Variants in ST3GAL4 observed in about 807,000 individuals in gnomAD.
ST3GAL4 encodes the protein ST3 beta-galactoside alpha-2,3-sialyltransferase 4.
In ST3GAL4, 24 loss-of-function variants were observed where a neutral mutation model predicts 42.6. The observed-to-expected ratio is 0.56, with a 90% CI of 0.41 to 0.79. ST3GAL4 has a LOEUF of 0.79. Ranked by LOEUF, ST3GAL4 falls within the 30% of genes least tolerant of loss-of-function variation. The pLI, the probability that ST3GAL4 is intolerant of heterozygous loss-of-function variation, is 0.00. For synonymous variants in ST3GAL4, 135 were observed against 163.2 expected (o/e 0.83, Z 1.32); for missense variants, 311 against 430.8 (o/e 0.72, Z 2.46).
chr11:126,406,418 G>T lies in ST3GAL4; in HGVS notation c.17-55G>T, dbSNP rs372066765. The T allele has an allele frequency of 6.2e-7, 1 of 1,613,066 alleles. No individual in the cohort carries two copies. Among genetic ancestry groups the T allele is most frequent in the Non-Finnish European group, 8.5e-7 (1 of 1,179,692 alleles). On this transcript the variant is annotated intron_variant, in intron 2 of 10. Transcript: ENST00000444328. The surrounding 1 kb of genome is among the most constrained non-coding windows in gnomAD (Gnocchi z 5.4). ...GAAGGGGGCAGGTGGGAAGGTGGAC[G>T]GGGGTTGTACCTGCCTGTTGCTGCC...
intron 1 of ST3GAL4, among the ~76,000 whole-genome samples, chr11:126,380,384 T>G (rs1386241822): frequency 6.6e-6 from 1 of 152,124 alleles, no homozygotes; most frequent in Non-Finnish European, 1.5e-5. Flanking sequence ...CATCAAGACC[T>G]TGCAGTATTG....
rs190440513 is a variant in ST3GAL4, at chr11:126,398,246, A to T, written c.-60-7850A>T. Among the ~76,000 whole-genome samples, 19 of 152,366 alleles carry T rather than the reference A, an allele frequency of 1.2e-4. No homozygotes were observed. The highest frequency in any genetic ancestry group is 1.1e-3 in the Admixed American group (17 of 15,308). ...TACAGTGATGGGACAGGCATAGGAC[A>T]GATATTCCATTCCAAAAGGGAGAGA... is the stretch of plus-strand genomic sequence containing the variant. On this transcript the variant is annotated intron_variant, in intron 1 of 10. Transcript: ENST00000444328. This position sits in a 1 kb window ranked among gnomAD's most constrained non-coding sequence, Gnocchi z 4.7.
chr11:126,371,163 CTTT>C (rs551443393), intron 1 of ST3GAL4, among the ~76,000 whole-genome samples: 2 of 59,972 alleles, frequency 3.3e-5, no homozygotes, highest in South Asian at 8.7e-4. Flanking sequence ...CCCCACATTC[CTTT>C]TTTTTTTTTT....
At chr11:126,358,663 A>G (rs1952154499) in intron 1 of ST3GAL4, 1 of 284,810 alleles carries the variant, frequency 3.5e-6, no homozygotes, top group Non-Finnish European at 7.2e-6. Flanking sequence ...GAATTCCCCC[A>G]AAGGTTGCTT....
intron 1 of ST3GAL4, chr11:126,375,122 A>T (rs1255383118): frequency 6.6e-6 from 1 of 152,214 alleles, no homozygotes; most frequent in Non-Finnish European, 1.5e-5. Flanking sequence ...TACAGCGGAG[A>T]GAGTCAGTCC....
intron 9 of ST3GAL4, 89 bp from the exon 10 acceptor site, chr11:126,413,416 C>T: frequency 6.6e-7 from 1 of 1,519,198 alleles, no homozygotes; most frequent in South Asian, 1.3e-5. Flanking sequence ...GTTTCCGTGA[C>T]TGCAGGAAGT....
chr11:126,399,301 C>CT (rs58479155), intron 1 of ST3GAL4, among the ~76,000 whole-genome samples: 3,429 of 87,602 alleles, frequency 0.039, 515 homozygotes, highest in African/African-American at 0.14. Flanking sequence ...TTCTTTCCTT[C>CT]TTTTTTTTTT....
chr11:126,412,101 G>T lies in ST3GAL4; in HGVS notation c.772-1404G>T, dbSNP rs888710509. Among the ~76,000 whole-genome samples, 11 of 152,074 alleles carry T rather than the reference G, an allele frequency of 7.2e-5. 1 individual carries two copies. The highest frequency in any genetic ancestry group is 7.2e-4 in the Admixed American group (11 of 15,266). The stretch of plus-strand genomic sequence containing the variant: ...GTTTCTAGCTTGGACAGCCGGTAGG[G>T]GGCGGGGGGTGGTAACATATTTAAC... On this transcript the variant is annotated intron_variant, in intron 9 of 10. Coordinates refer to ENST00000444328, the MANE Select transcript of ST3GAL4 (RefSeq NM_001254757.2).
chr11:126,403,332 C>A, intron 1 of ST3GAL4: 6 of 910,154 alleles, frequency 6.6e-6, no homozygotes, highest in Non-Finnish European at 7.9e-6. Flanking sequence ...GACTGGTTAG[C>A]GCTGCTCACC....
In ST3GAL4 at chr11:126,414,107, G is replaced by C. The variant is rs575272617; in HGVS notation, c.*60G>C. Reference sequence around the variant, plus strand: ...TCTGCTGTCTGGGTGACCCCCATGCGTGGCTGTGGGGGTGGCTGGTGCCAG... The same window carrying C: ...TCTGCTGTCTGGGTGACCCCCATGCCTGGCTGTGGGGGTGGCTGGTGCCAG... On this transcript the variant is annotated 3_prime_UTR_variant, in exon 11 of 11. Coordinates refer to ENST00000444328, the MANE Select transcript of ST3GAL4 (RefSeq NM_001254757.2). The C allele has an allele frequency of 1.3e-6, 2 of 1,533,858 alleles. No homozygotes were observed. The highest frequency in any genetic ancestry group is 2.7e-5 in the African/African-American group (2 of 73,274).
chr11:126,403,386 G>T, intron 1 of ST3GAL4: 2 of 984,878 alleles, frequency 2.0e-6, no homozygotes, highest in Non-Finnish European at 2.4e-6. Flanking sequence ...TTCCCTGGAA[G>T]GCAGCCCTGG....
Position 126,392,311 on chromosome 11 carries a change from C to G in ST3GAL4, c.-60-13785C>G. ...CTCTCCTGGGACTGCACAGAGTTTA[C>G]TGTCGGACATCAGTTCTGATATGGT... On this transcript the variant is annotated intron_variant, in intron 1 of 10. Transcript: ENST00000444328. This position sits in a 1 kb window ranked among gnomAD's most constrained non-coding sequence, Gnocchi z 5.8. 1.0e-6 allele frequency: 1 copy of G among 985,902 alleles called. No individual in the cohort carries two copies. The highest frequency in any genetic ancestry group is 1.2e-6 in the Non-Finnish European group (1 of 829,940). The allele number at this position is 985,902 out of a possible 1,614,324, so 61.1% of individuals were successfully genotyped here.
chr11:126,370,556 T>G (rs1261307504), intron 1 of ST3GAL4, among the ~76,000 whole-genome samples: 1 of 152,192 alleles, frequency 6.6e-6, no homozygotes, highest in Non-Finnish European at 1.5e-5. Context: ...CACTTCTTAG[T>G]TTTTTACTCT....
intron 1 of ST3GAL4, among the ~76,000 whole-genome samples, chr11:126,372,353 T>C (rs533050152): frequency 3.3e-5 from 5 of 152,342 alleles, no homozygotes; most frequent in African/African-American, 7.2e-5. Flanking sequence ...CTTTGCATAG[T>C]GTCTTCAAGG....
intron 1 of ST3GAL4, among the ~76,000 whole-genome samples, chr11:126,368,520 G>C (rs1952520305): frequency 6.6e-6 from 1 of 152,232 alleles, no homozygotes; most frequent in South Asian, 2.1e-4. Flanking sequence ...TGTGGAACAA[G>C]TAGGGAAGGA....
In ST3GAL4 at chr11:126,409,752, CAG is replaced by C. The variant is rs1405775830; in HGVS notation, c.771+344_771+345del. On this transcript the variant is annotated intron_variant, in intron 9 of 10. Coordinates refer to ENST00000444328, the MANE Select transcript of ST3GAL4 (RefSeq NM_001254757.2). This position sits in a 1 kb window ranked among gnomAD's most constrained non-coding sequence, Gnocchi z 4.9. The stretch of plus-strand genomic sequence containing the variant: ...GATCTGTGGAACAACTTGAGCCATG[CAG>C]AGTTACTGTTAGATACTTCATCTGT... Among the ~76,000 whole-genome samples the C allele has an allele frequency of 1.3e-5, 2 of 152,158 alleles. No individual in the cohort carries two copies. Among genetic ancestry groups the C allele is most frequent in the African/African-American group, 2.4e-5 (1 of 41,428 alleles).
chr11:126,397,900 A>T lies in ST3GAL4; in HGVS notation c.-60-8196A>T, dbSNP rs1206113050. Among the ~76,000 whole-genome samples, 5 of 151,894 alleles carry T rather than the reference A, an allele frequency of 3.3e-5. No homozygotes were observed. The East Asian group carries it at 9.8e-4, about 30-fold the overall frequency. On this transcript the variant is annotated intron_variant, in intron 1 of 10. Coordinates refer to ENST00000444328, the MANE Select transcript of ST3GAL4 (RefSeq NM_001254757.2). This position sits in a 1 kb window ranked among gnomAD's most constrained non-coding sequence, Gnocchi z 5.0. ...ACCCATTCATGAGAACAGAGCCCTC[A>T]TGGCCTACTCTTATGAGACCCCACC...
rs1239959299 is a variant in ST3GAL4, at chr11:126,386,170, C to T, written c.-60-19926C>T. ...CTCCTCAGAGACATGGTTCTATCCC[C>T]CCAGTGGCCAAGGGCTGGTGGCCCT... On this transcript the variant is annotated intron_variant, in intron 1 of 10. Coordinates refer to ENST00000444328, the MANE Select transcript of ST3GAL4 (RefSeq NM_001254757.2). The surrounding 1 kb of genome is among the most constrained non-coding windows in gnomAD (Gnocchi z 4.7). Among the ~76,000 whole-genome samples, 2 of 151,396 alleles carry T rather than the reference C, an allele frequency of 1.3e-5. No individual in the cohort carries two copies. Among genetic ancestry groups the T allele is most frequent in the South Asian group, 2.1e-4 (1 of 4,824 alleles).
At chr11:126,407,948 C>T in intron 6 of ST3GAL4, 151 bp from the exon 7 acceptor site, 1 of 889,966 alleles carries the variant, frequency 1.1e-6, no homozygotes. Context: ...CAGCATGACC[C>T]TAAGCAGGAC....
Sources: allele counts gnomAD v4.1 joint callset (sites outside exome capture counted in the v4.1 genomes callset), GRCh38; gene constraint gnomAD v4.1.1; non-coding constraint Gnocchi (gnomAD v3.1); transcripts MANE v1.5; gene names NCBI Gene and HGNC (gene_info 2026-07-23, HGNC 2026-07-21).